The following THSD7A variants were observed in gnomAD, a reference collection of about 807,000 sequenced individuals.
THSD7A encodes the protein thrombospondin type-1 domain-containing protein 7A.
A neutral mutation model predicts 231.3 loss-of-function variants in THSD7A; 96 were observed. The ratio of observed to expected loss-of-function variants is 0.41; its 90% CI spans 0.35 to 0.49. The LOEUF (loss-of-function observed/expected upper bound fraction) is 0.49. Ranked by LOEUF, THSD7A falls within the 20% of genes least tolerant of loss-of-function variation. The pLI is 0.05. For synonymous variants in THSD7A, 940 were observed against 743.3 expected (o/e 1.26, Z -4.30); for missense variants, 2,290 against 2,070.2 (o/e 1.11, Z -2.06).
chr7:11,682,548 A>G (rs560099637), intron 1 of THSD7A, among the ~76,000 whole-genome samples: 2 of 152,254 alleles, frequency 1.3e-5, no homozygotes, highest in South Asian at 4.1e-4. Flanking sequence ...ATAATGATAA[A>G]AGGATTTAAT....
At chr7:11,379,838 G>C in intron 24 of THSD7A, 126 bp from the exon 25 acceptor site, 1 of 1,024,744 alleles carries the variant, frequency 9.8e-7, no homozygotes, top group South Asian at 1.5e-5. Flanking sequence ...TCTGTCAGTG[G>C]TTGACTGTGA....
intron 1 of THSD7A, among the ~76,000 whole-genome samples, chr7:11,767,056 A>G (rs192615609): frequency 1.3e-5 from 2 of 152,222 alleles, no homozygotes; most frequent in Non-Finnish European, 2.9e-5. Flanking sequence ...ATGATTTGGG[A>G]AAGTGTGTGG....
intron 1 of THSD7A, among the ~76,000 whole-genome samples, chr7:11,667,276 G>A (rs1254023120): frequency 6.6e-6 from 1 of 152,054 alleles, no homozygotes; most frequent in African/African-American, 2.4e-5. Flanking sequence ...TCATAGCTTA[G>A]CTCCCACTTA....
At chr7:11,615,142 T>C (rs1781062178) in intron 2 of THSD7A, among the ~76,000 whole-genome samples, 3 of 152,172 alleles carry the variant, frequency 2.0e-5, no homozygotes, top group Admixed American at 2.0e-4. Flanking sequence ...CAGCTTGAGT[T>C]CCACATGTGG....
intron 4 of THSD7A, among the ~76,000 whole-genome samples, chr7:11,562,236 C>G (rs554550771): frequency 3.9e-5 from 6 of 152,010 alleles, no homozygotes; most frequent in African/African-American, 1.2e-4. Flanking sequence ...CTCAAATGTA[C>G]AAATGTACAT....
At chr7:11,520,210 G>A (rs1788204798) in intron 6 of THSD7A, 1 of 152,186 alleles carries the variant, frequency 6.6e-6, no homozygotes, top group African/African-American at 2.4e-5. Flanking sequence ...GAGTCAAATA[G>A]AGGTGAGTTT....
At position 11,429,002 on chromosome 7, in the gene THSD7A, C is replaced by G; in HGVS notation, c.3188G>C (p.Arg1063Pro). Reference sequence around the variant, plus strand: ...CCTTCCTCCATTATATGGTTTTTCACGCAGCCATTTAGAACGAACCTTCAC... The same window carrying G: ...CCTTCCTCCATTATATGGTTTTTCAGGCAGCCATTTAGAACGAACCTTCAC... ...SGVKVRSKWL[R>P]EKPYNGGRPC... Residue 1063 changes from arginine to proline, a missense_variant, in exon 14 of 28, where the codon CGT becomes CCT. Arg to Pro is a moderately radical substitution (Grantham distance 103, BLOSUM62 -2). Transcript: ENST00000423059. 6.2e-7 allele frequency: 1 copy of G among 1,612,780 alleles called. No individual in the cohort carries two copies. The highest frequency in any genetic ancestry group is 8.5e-7 in the Non-Finnish European group (1 of 1,179,384).
intron 2 of THSD7A, among the ~76,000 whole-genome samples, chr7:11,612,088 A>G (rs1462980015): frequency 6.6e-6 from 1 of 152,136 alleles, no homozygotes; most frequent in African/African-American, 2.4e-5. Flanking sequence ...TAAGGAAAAG[A>G]GTCCAGATTC....
intron 1 of THSD7A, among the ~76,000 whole-genome samples, chr7:11,739,850 G>A (rs1023272916): frequency 6.6e-6 from 1 of 152,010 alleles, no homozygotes; most frequent in Non-Finnish European, 1.5e-5. Context: ...TGTATCAGAA[G>A]TGCAATGCCA....
chr7:11,431,580 G>C (rs1784479455), intron 13 of THSD7A, among the ~76,000 whole-genome samples: 1 of 152,096 alleles, frequency 6.6e-6, no homozygotes, highest in Non-Finnish European at 1.5e-5. Flanking sequence ...GTACCACATA[G>C]TCTTGACTAC....
chr7:11,455,686 C>A (rs1360608904), intron 11 of THSD7A, among the ~76,000 whole-genome samples: 3 of 151,994 alleles, frequency 2.0e-5, no homozygotes, highest in Non-Finnish European at 4.4e-5. Flanking sequence ...TAGATTTTAT[C>A]AAGACTGCAT....
Position 11,530,872 on chromosome 7 carries a change from A to G in THSD7A, c.1822+10547T>C, listed in dbSNP as rs563689280. On this transcript the variant is annotated intron_variant, in intron 6 of 27. Transcript: ENST00000423059. ...CTAAAAATACAAAAATTAGCCATGC[A>G]TGGTCGCGGGTGTCTGTAATCCCAA... Among the ~76,000 whole-genome samples the G allele has an allele frequency of 5.9e-5, 9 of 152,180 alleles. No individual in the cohort carries two copies. In the South Asian group the frequency reaches 1.9e-3, roughly 32 times the overall value.
intron 8 of THSD7A, among the ~76,000 whole-genome samples, chr7:11,470,663 A>T (rs1303673710): frequency 6.6e-6 from 1 of 151,690 alleles, no homozygotes; most frequent in Non-Finnish European, 1.5e-5. Context: ...ATGGGATTTA[A>T]TCTTTTTTAT....
At chr7:11,431,008 C>T (rs1209191802) in intron 13 of THSD7A, among the ~76,000 whole-genome samples, 1 of 152,160 alleles carries the variant, frequency 6.6e-6, no homozygotes, top group Non-Finnish European at 1.5e-5. Context: ...TGAATATATA[C>T]ATTACAGTGA....
chr7:11,512,023 A>G (rs1308550214), intron 6 of THSD7A, among the ~76,000 whole-genome samples: 4 of 152,274 alleles, frequency 2.6e-5, no homozygotes, highest in Admixed American at 1.3e-4. Flanking sequence ...GAAAATTTTT[A>G]CCATCTACTC....
At chr7:11,829,839 C>G (rs1375393416) in intron 1 of THSD7A, among the ~76,000 whole-genome samples, 1 of 151,400 alleles carries the variant, frequency 6.6e-6, no homozygotes, top group South Asian at 2.1e-4. Context: ...ATTTTGCTTT[C>G]CAATTGAATG....
At chr7:11,809,148 G>T (rs891917440) in intron 1 of THSD7A, among the ~76,000 whole-genome samples, 1 of 152,092 alleles carries the variant, frequency 6.6e-6, no homozygotes, top group Non-Finnish European at 1.5e-5. Context: ...GACAGCTTTT[G>T]CCTCAAGAAG....
rs750131881 is a variant in THSD7A, at chr7:11,474,570, TA to T, written c.2018-3del. Reference sequence around the variant, plus strand: ...TGCTATTTGGACAGCGAATTCCACCTAAAAACATGGACAATGATAGCAAATT... The same window carrying T: ...TGCTATTTGGACAGCGAATTCCACCTAAAACATGGACAATGATAGCAAATT... On this transcript the variant is annotated splice_polypyrimidine_tract_variant and splice_region_variant and intron_variant, in intron 7 of 27. Coordinates refer to ENST00000423059, the MANE Select transcript of THSD7A (RefSeq NM_015204.3). This position sits in a 1 kb window ranked among gnomAD's most constrained non-coding sequence, Gnocchi z 4.1. 6.3e-7 allele frequency: 1 copy of T among 1,584,460 alleles called. No homozygotes were observed. The highest frequency in any genetic ancestry group is 2.3e-5 in the East Asian group (1 of 43,892).
intron 4 of THSD7A, among the ~76,000 whole-genome samples, chr7:11,586,216 T>C (rs541192560): frequency 6.6e-6 from 1 of 152,360 alleles, no homozygotes; most frequent in East Asian, 1.9e-4. Context: ...AATTATAGTA[T>C]ACTAGTGAAA....
Sources: allele counts gnomAD v4.1 joint callset (sites outside exome capture counted in the v4.1 genomes callset), GRCh38; gene constraint gnomAD v4.1.1; non-coding constraint Gnocchi (gnomAD v3.1); transcripts MANE v1.5; gene names NCBI Gene and HGNC (gene_info 2026-07-23, HGNC 2026-07-21).